Variants in AMD1 observed in about 807,000 individuals in gnomAD.
The protein encoded by AMD1 is adenosylmethionine decarboxylase 1.
A neutral mutation model predicts 40.2 loss-of-function variants in AMD1; 11 were observed. The observed-to-expected ratio is 0.27, with a 90% CI of 0.17 to 0.45. The LOEUF (loss-of-function observed/expected upper bound fraction) is 0.45. Among genes scored for constraint, AMD1 ranks in the 20% least tolerant of loss-of-function variants. AMD1 has a pLI of 1.00. For missense variants in AMD1, 257 were observed against 410.2 expected, an observed-to-expected ratio of 0.63 and a Z score of 3.23; for synonymous variants, 121 against 130.8, an observed-to-expected ratio of 0.93 and a Z score of 0.51.
At chr6:110,872,696 T>A (rs1583206240), upstream of AMD1, among the ~76,000 whole-genome samples, 1 of 152,108 alleles carries the variant, frequency 6.6e-6, no homozygotes, top group Admixed American at 6.6e-5. Context: ...ACAAGAAAAA[T>A]GATATATTTT....
At chr6:110,849,347 A>G in the AMD1 span, among the ~76,000 whole-genome samples, 10 of 152,330 alleles carry the variant, frequency 6.6e-5, no homozygotes, top group African/African-American at 2.4e-4. Context: ...TAGATCCCAA[A>G]GATTCTTGGT....
chr6:110,892,623 A>C, intron 6 of AMD1, 112 bp from the exon 7 acceptor site: 1 of 1,405,404 alleles, frequency 7.1e-7, no homozygotes, highest in Non-Finnish European at 9.9e-7. Context: ...CCTAGTACCC[A>C]TTAGTTATTT....
the AMD1 span, among the ~76,000 whole-genome samples, chr6:110,830,707 G>A: frequency 6.6e-6 from 1 of 152,220 alleles, no homozygotes; most frequent in African/African-American, 2.4e-5. Context: ...AAAAGCTGCT[G>A]TCTAACACCA....
At chr6:110,886,325 G>A (rs1216335493) in intron 1 of AMD1, among the ~76,000 whole-genome samples, 2 of 151,956 alleles carry the variant, frequency 1.3e-5, no homozygotes, top group East Asian at 1.9e-4. Context: ...AAAGACCAGG[G>A]TATTACTCTA....
chr6:110,855,835 CTT>C, the AMD1 span, among the ~76,000 whole-genome samples: 72 of 152,304 alleles, frequency 4.7e-4, 1 homozygote, highest in Admixed American at 1.8e-3. Flanking sequence ...AATCCCAACA[CTT>C]TGAGAGGCCA....
At chr6:110,878,822 T>G (rs1416905050) in intron 1 of AMD1, among the ~76,000 whole-genome samples, 1 of 152,204 alleles carries the variant, frequency 6.6e-6, no homozygotes, top group Non-Finnish European at 1.5e-5. Flanking sequence ...TCAGATTTTA[T>G]AAACTAAAAC....
chr6:110,859,098 G>A, the AMD1 span: 3 of 1,339,472 alleles, frequency 2.2e-6, no homozygotes, highest in East Asian at 6.9e-5. Flanking sequence ...GCAGGCTCGG[G>A]GGAGGTCCCT....
chr6:110,844,789 A>T, the AMD1 span, among the ~76,000 whole-genome samples: 1 of 151,528 alleles, frequency 6.6e-6, no homozygotes, highest in Non-Finnish European at 1.5e-5. Flanking sequence ...TTCAGAAAAA[A>T]AAAAGAAAGA....
At chr6:110,886,216 C>T (rs1289834192) in intron 1 of AMD1, among the ~76,000 whole-genome samples, 1 of 61,660 alleles carries the variant, frequency 1.6e-5, no homozygotes, top group Non-Finnish European at 3.2e-5. Context: ...GAGCAAGACT[C>T]AGTCTCAAAA....
Position 110,887,506 on chromosome 6 carries a change from T to C in AMD1, c.112T>C (p.Ser38Pro). The C allele has an allele frequency of 6.3e-7, 1 of 1,598,234 alleles. No homozygotes were observed. The highest frequency in any genetic ancestry group is 8.5e-7 in the Non-Finnish European group (1 of 1,173,874). The part of the protein sequence containing the change: ...GSGDLRTIPR[S>P]EWDILLKDVQ... ...CGTAACTTTTTTGTTAAATGATAGA[T>C]CTGAGTGGGACATACTTTTGAAGGA... Residue 38 changes from serine to proline, a missense_variant and splice_region_variant, in exon 2 of 9, where the codon TCT (serine) becomes CCT (proline). By Grantham distance (74) the Ser-to-Pro change is moderately conservative (BLOSUM62 -1). Coordinates refer to ENST00000368885, the MANE Select transcript of AMD1 (RefSeq NM_001634.6).
At chr6:110,888,774 T>A in intron 2 of AMD1, 83 bp from the exon 3 acceptor site, 3 of 1,409,794 alleles carry the variant, frequency 2.1e-6, no homozygotes, top group Non-Finnish European at 1.9e-6. Context: ...TAGCCAAAAT[T>A]GTAAATGATA....
Position 110,893,965 on chromosome 6 carries a change from A to C in AMD1, c.*349A>C. 1 of 216,790 alleles carries C rather than the reference A, an allele frequency of 4.6e-6. No homozygotes were observed. Among genetic ancestry groups the C allele is most frequent in the Non-Finnish European group, 9.4e-6 (1 of 105,910 alleles). The allele number at this position is 216,790 out of a possible 1,614,324, so 13.4% of individuals were successfully genotyped here. ...TGTAATATTTCTCCAAGTATCATCCAAAATTCCCCACAGACAAGGCTTTCG... is the reference window on the plus strand; with the variant it reads ...TGTAATATTTCTCCAAGTATCATCCCAAATTCCCCACAGACAAGGCTTTCG... On this transcript the variant is annotated 3_prime_UTR_variant, in exon 9 of 9. Transcript: ENST00000368885.
At chr6:110,859,579 C>T in the AMD1 span, among the ~76,000 whole-genome samples, 1 of 151,456 alleles carries the variant, frequency 6.6e-6, no homozygotes, top group Non-Finnish European at 1.5e-5. Flanking sequence ...TTTTTTTCCC[C>T]GAGGAATGGG....
intron 1 of AMD1, among the ~76,000 whole-genome samples, chr6:110,880,054 C>T (rs551333421): frequency 1.3e-5 from 2 of 152,022 alleles, no homozygotes; most frequent in East Asian, 3.9e-4. Context: ...CTCCCAGGTT[C>T]AAATGATTCT....
the AMD1 span, among the ~76,000 whole-genome samples, chr6:110,821,027 T>A: frequency 6.6e-6 from 1 of 152,246 alleles, no homozygotes; most frequent in African/African-American, 2.4e-5. Context: ...AGTGTCTTCC[T>A]TTGTGATATG....
chr6:110,820,463 C>T, the AMD1 span, among the ~76,000 whole-genome samples: 4 of 151,904 alleles, frequency 2.6e-5, no homozygotes, highest in African/African-American at 9.7e-5. Flanking sequence ...CTCCAACTCC[C>T]GACCTCCAGG....
the AMD1 span, among the ~76,000 whole-genome samples, chr6:110,826,691 T>TC: frequency 6.8e-6 from 1 of 147,844 alleles, no homozygotes; most frequent in Non-Finnish European, 1.5e-5. Flanking sequence ...TTTCTTTCTT[T>TC]TTTTTTTTTT....
chr6:110,878,149 C>T (rs1785208996), intron 1 of AMD1, among the ~76,000 whole-genome samples: 1 of 152,142 alleles, frequency 6.6e-6, no homozygotes, highest in African/African-American at 2.4e-5. Flanking sequence ...GAGAAAATAT[C>T]CAACTTTTTT....
At chr6:110,816,094 A>G in the AMD1 span, 9 of 152,314 alleles carry the variant, frequency 5.9e-5, no homozygotes, top group Admixed American at 3.3e-4. Context: ...CTGAACCTTC[A>G]GCAGTTTCCT....
Sources: gnomAD v4.1 joint callset for allele counts (sites outside exome capture counted in the v4.1 genomes callset) on GRCh38, gnomAD v4.1.1 for gene constraint, MANE v1.5 for transcripts, NCBI Gene and HGNC (gene_info 2026-07-23, HGNC 2026-07-21) for gene names.